The following SHISAL1 variants were observed in gnomAD, a reference collection of about 807,000 sequenced individuals.
SHISAL1 encodes the protein protein shisa-like-1.
SHISAL1 carries 9 observed loss-of-function variants against 22.6 expected under a neutral mutation model. That is an observed-to-expected ratio of 0.40 (90% CI 0.24 to 0.70). The LOEUF (loss-of-function observed/expected upper bound fraction) is 0.70, where lower values mean the gene tolerates loss of function less well. Ranked by LOEUF, SHISAL1 falls within the 30% of genes least tolerant of loss-of-function variation. The pLI, the probability that SHISAL1 is intolerant of heterozygous loss-of-function variation, is 0.39. For missense variants in SHISAL1, 246 were observed against 270.6 expected (o/e 0.91, Z 0.64); for synonymous variants, 119 against 115.4 (o/e 1.03, Z -0.20).
rs373716820 is a variant in SHISAL1, at chr22:44,281,592, C to T, written c.599+3836G>A. ...GGACCTCCACAGTGCGAAGGAGACACCGTTAGGTGACGAAGGCACTTTGTC... is the reference window on the plus strand; with the variant it reads ...GGACCTCCACAGTGCGAAGGAGACATCGTTAGGTGACGAAGGCACTTTGTC... On this transcript the variant is annotated intron_variant, in intron 4 of 4. Transcript: ENST00000381176. Among the ~76,000 whole-genome samples the T allele has an allele frequency of 7.9e-5, 12 of 152,282 alleles. No homozygotes were observed. In the South Asian group the frequency reaches 2.5e-3, roughly 32 times the overall value.
At chr22:44,317,411 G>A (rs534396305), upstream of SHISAL1, among the ~76,000 whole-genome samples, 1 of 152,234 alleles carries the variant, frequency 6.6e-6, no homozygotes, top group Non-Finnish European at 1.5e-5. Flanking sequence ...TGCTTTCAAA[G>A]GTGGTAGGAA....
chr22:44,323,664 CA>C, the SHISAL1 span, among the ~76,000 whole-genome samples: 1 of 149,374 alleles, frequency 6.7e-6, no homozygotes, highest in Admixed American at 6.7e-5. Flanking sequence ...TCCATCCATC[CA>C]TCCATCCATC....
At chr22:44,323,562 ACCAT>A in the SHISAL1 span, among the ~76,000 whole-genome samples, 1 of 115,114 alleles carries the variant, frequency 8.7e-6, no homozygotes, top group Admixed American at 8.4e-5. Context: ...CCATCCATCC[ACCAT>A]CCATCCATCC....
At chr22:44,301,455 G>A (rs1044734220) in intron 1 of SHISAL1, among the ~76,000 whole-genome samples, 2 of 152,234 alleles carry the variant, frequency 1.3e-5, no homozygotes, top group African/African-American at 4.8e-5. Flanking sequence ...AGCAGTGCAT[G>A]AAATAGAAGC....
intron 3 of SHISAL1, among the ~76,000 whole-genome samples, chr22:44,291,063 C>G (rs1221385802): frequency 6.6e-6 from 1 of 152,178 alleles, no homozygotes; most frequent in African/African-American, 2.4e-5. Flanking sequence ...CAGGCTTGGA[C>G]AAGTGACGTG....
chr22:44,256,424 T>C (rs2055085623), intron 4 of SHISAL1, among the ~76,000 whole-genome samples: 1 of 152,194 alleles, frequency 6.6e-6, no homozygotes, highest in Non-Finnish European at 1.5e-5. Flanking sequence ...CTCCCTACAG[T>C]GTGTGCCTTC....
At chr22:44,325,263 GACCCTGCTGGACT>G in the SHISAL1 span, among the ~76,000 whole-genome samples, 1 of 139,640 alleles carries the variant, frequency 7.2e-6, no homozygotes, top group Non-Finnish European at 1.6e-5. Flanking sequence ...AAAAAAAAAA[GACCCTGCTGGACT>G]CTCACTGAGC....
At chr22:44,269,236 C>T (rs2055187817) in intron 4 of SHISAL1, among the ~76,000 whole-genome samples, 1 of 149,546 alleles carries the variant, frequency 6.7e-6, no homozygotes, top group East Asian at 2.0e-4. Context: ...CCACACAGAC[C>T]CTCACAATAT....
chr22:44,291,172 C>G (rs1265318296), intron 3 of SHISAL1, among the ~76,000 whole-genome samples: 2 of 152,228 alleles, frequency 1.3e-5, no homozygotes, highest in African/African-American at 2.4e-5. Flanking sequence ...TCTCCTTCTA[C>G]AGCAGGGCCA....
chr22:44,328,544 G>A, the SHISAL1 span, among the ~76,000 whole-genome samples: 2 of 152,168 alleles, frequency 1.3e-5, no homozygotes, highest in Non-Finnish European at 2.9e-5. Flanking sequence ...CAGACCTGCT[G>A]TCTACATGCC....
In SHISAL1 at chr22:44,296,715, T is replaced by C; in HGVS notation, c.238A>G (p.Met80Val). The C allele has an allele frequency of 6.2e-7, 1 of 1,614,086 alleles. No individual in the cohort carries two copies. Among genetic ancestry groups the C allele is most frequent in the African/African-American group, 1.3e-5 (1 of 75,066 alleles). Residue 80 changes from methionine (M) to valine (V), a missense_variant, in exon 3 of 5, where the codon ATG becomes GTG. Coordinates refer to ENST00000381176, the MANE Select transcript of SHISAL1 (RefSeq NM_001099294.2). ...CCNETEFQAV[M>V]QANLTASSEG... Reference sequence around the variant, plus strand: ...GAGCTGGCCGTGAGGTTCGCCTGCATCACCGCCTGGAACTCCGTCTCGTTG... The same window carrying C: ...GAGCTGGCCGTGAGGTTCGCCTGCACCACCGCCTGGAACTCCGTCTCGTTG...
the SHISAL1 span, among the ~76,000 whole-genome samples, chr22:44,329,030 C>T: frequency 1.3e-5 from 2 of 152,220 alleles, no homozygotes; most frequent in Non-Finnish European, 2.9e-5. Context: ...CCAACCTCTC[C>T]CAGGCTCCAA....
At chr22:44,288,405 G>A (rs1295214062) in intron 3 of SHISAL1, among the ~76,000 whole-genome samples, 1 of 152,156 alleles carries the variant, frequency 6.6e-6, no homozygotes, top group Non-Finnish European at 1.5e-5. Context: ...GGGAGGCCGA[G>A]GCCGGTGGAT....
chr22:44,246,023 A>G lies in SHISAL1; in HGVS notation c.*3662T>C, dbSNP rs1179191622. Reference sequence around the variant, plus strand: ...ATGTATGTACTTGTGTGTTTTTTCAATTAAGGCCTGTTGCACATCAGCAAT... The same window carrying G: ...ATGTATGTACTTGTGTGTTTTTTCAGTTAAGGCCTGTTGCACATCAGCAAT... On this transcript the variant is annotated 3_prime_UTR_variant, in exon 5 of 5. Coordinates refer to ENST00000381176, the MANE Select transcript of SHISAL1 (RefSeq NM_001099294.2). 1 of 152,220 alleles carries G rather than the reference A, an allele frequency of 6.6e-6. No individual in the cohort carries two copies. The highest frequency in any genetic ancestry group is 1.5e-5 in the Non-Finnish European group (1 of 68,056). The allele number at this position is 152,220 out of a possible 1,614,324, so 9.4% of individuals were successfully genotyped here.
chr22:44,298,985 C>T (rs1040425203), intron 2 of SHISAL1, among the ~76,000 whole-genome samples: 8 of 152,216 alleles, frequency 5.3e-5, no homozygotes, highest in African/African-American at 1.9e-4. Flanking sequence ...CTGCCTGGGC[C>T]ATCGTGACCT....
intron 1 of SHISAL1, among the ~76,000 whole-genome samples, chr22:44,307,558 C>A (rs190397898): frequency 1.3e-5 from 2 of 152,124 alleles, no homozygotes; most frequent in African/African-American, 4.8e-5. Context: ...GATGGTAGTC[C>A]GTGGCCAACA....
At position 44,246,673 on chromosome 22, in the gene SHISAL1, A is replaced by G. The variant is rs1373707401; in HGVS notation, c.*3012T>C. 1 of 152,110 alleles carries G rather than the reference A, an allele frequency of 6.6e-6. No homozygotes were observed. The allele number at this position is 152,110 out of a possible 1,614,324, so 9.4% of individuals were successfully genotyped here. A position where few individuals can be genotyped will look rare whatever the true frequency, so the allele number is the denominator to read the frequency against. ...TTGAATACACACACACCTGCTTTCCACACTGAGTGTTCACACCCACATGCA... is the reference window on the plus strand; with the variant it reads ...TTGAATACACACACACCTGCTTTCCGCACTGAGTGTTCACACCCACATGCA... On this transcript the variant is annotated 3_prime_UTR_variant, in exon 5 of 5. Transcript: ENST00000381176.
At chr22:44,282,270 C>G (rs1270274512) in intron 4 of SHISAL1, among the ~76,000 whole-genome samples, 1 of 152,252 alleles carries the variant, frequency 6.6e-6, no homozygotes, top group Non-Finnish European at 1.5e-5. Context: ...TGGGCCCTCC[C>G]GCTGCAGCAG....
intron 1 of SHISAL1, among the ~76,000 whole-genome samples, chr22:44,304,232 C>T (rs1409411713): frequency 6.6e-6 from 1 of 152,000 alleles, no homozygotes. Context: ...GGGCTCTGGG[C>T]AGGCAGAAAG....
Sources: gnomAD v4.1 joint callset for allele counts (sites outside exome capture counted in the v4.1 genomes callset) on GRCh38, gnomAD v4.1.1 for gene constraint, MANE v1.5 for transcripts, NCBI Gene and HGNC (gene_info 2026-07-23, HGNC 2026-07-21) for gene names.